The following EXOC6B variants were observed in gnomAD, a reference collection of about 807,000 sequenced individuals.
EXOC6B encodes the protein SEC15 homolog B.
In EXOC6B, 54 loss-of-function variants were observed where a neutral mutation model predicts 113.5. The ratio of observed to expected loss-of-function variants is 0.48; its 90% CI spans 0.38 to 0.60. The LOEUF is 0.60. Ranked by LOEUF, EXOC6B falls within the 20% of genes least tolerant of loss-of-function variation. The probability of loss-of-function intolerance (pLI) is 0.00; values close to 1 mark genes in which losing one functional copy is unlikely to be tolerated. For synonymous variants in EXOC6B, 357 were observed against 339.0 expected (o/e 1.05, Z -0.58); for missense variants, 797 against 977.5 (o/e 0.82, Z 2.46).
At chr2:72,758,653 A>G (rs1399345380) in intron 1 of EXOC6B, among the ~76,000 whole-genome samples, 1 of 152,136 alleles carries the variant, frequency 6.6e-6, no homozygotes, top group African/African-American at 2.4e-5. Context: ...GAAAAAAGGA[A>G]CCTCAGAGAT....
intron 1 of EXOC6B, among the ~76,000 whole-genome samples, chr2:72,789,728 T>C (rs1159187892): frequency 2.0e-5 from 3 of 152,168 alleles, no homozygotes; most frequent in East Asian, 3.8e-4. Flanking sequence ...CAATCTGACA[T>C]ATAGAGGAAA....
At position 72,667,594 on chromosome 2, in the gene EXOC6B, T is replaced by C. The variant is rs573163755; in HGVS notation, c.669+50509A>G. On this transcript the variant is annotated intron_variant, in intron 6 of 21. Coordinates refer to ENST00000272427, the MANE Select transcript of EXOC6B (RefSeq NM_015189.3). ...TACACACCTACAACCATCTGATCTT[T>C]GACAAACTCAACAAAAAGAGCAATA... Among the ~76,000 whole-genome samples, 7 of 152,250 alleles carry C rather than the reference T, an allele frequency of 4.6e-5. No homozygotes were observed. In the South Asian group the frequency reaches 1.5e-3, roughly 32 times the overall value.
At chr2:72,692,210 ATGAT>A (rs1224424697) in intron 6 of EXOC6B, among the ~76,000 whole-genome samples, 1 of 151,834 alleles carries the variant, frequency 6.6e-6, no homozygotes, top group Non-Finnish European at 1.5e-5. Context: ...TGCTTACTAT[ATGAT>A]TATTATATGC....
At chr2:72,823,653 C>T (rs1469123851) in intron 1 of EXOC6B, among the ~76,000 whole-genome samples, 3 of 151,560 alleles carry the variant, frequency 2.0e-5, no homozygotes, top group East Asian at 1.9e-4. Flanking sequence ...GGTATGGTGG[C>T]GAACGCCTGT....
At chr2:72,306,188 AC>A (rs1197729319) in intron 20 of EXOC6B, among the ~76,000 whole-genome samples, 3 of 152,206 alleles carry the variant, frequency 2.0e-5, no homozygotes, top group African/African-American at 7.2e-5. Context: ...TTTATAAAAA[AC>A]AAGGTAAATA....
At position 72,511,212 on chromosome 2, in the gene EXOC6B, C is replaced by T. The variant is rs184332941; in HGVS notation, c.1167+1920G>A. Among the ~76,000 whole-genome samples, 411 of 152,090 alleles carry T rather than the reference C, an allele frequency of 2.7e-3. 1 individual carries two copies. The highest frequency in any genetic ancestry group is 9.6e-3 in the African/African-American group (399 of 41,522). ...AATGACATATCCTCTTTGGATCAAA[C>T]CCACATACATATTAACCAATCTCCT... On this transcript the variant is annotated intron_variant, in intron 11 of 21. Coordinates refer to ENST00000272427, the MANE Select transcript of EXOC6B (RefSeq NM_015189.3).
At position 72,554,800 on chromosome 2, in the gene EXOC6B, C is replaced by T. The variant is rs151152381; in HGVS notation, c.915+4653G>A. On this transcript the variant is annotated intron_variant, in intron 8 of 21. Transcript: ENST00000272427. Reference sequence around the variant, plus strand: ...CTCTAAGTTCCAGGGTACATGTGCACAACATGCAGGTTTGTTACATAGCTA... The same window carrying T: ...CTCTAAGTTCCAGGGTACATGTGCATAACATGCAGGTTTGTTACATAGCTA... Among the ~76,000 whole-genome samples, 218 of 152,132 alleles carry T rather than the reference C, an allele frequency of 1.4e-3. No individual in the cohort carries two copies. The South Asian group carries it at 0.017, about 12-fold the overall frequency.
rs554196058 is a variant in EXOC6B, at chr2:72,495,666, A to G, written c.1444-127T>C. ...AATTGTCTCCTTAACAAACTCAAAT[A>G]TAAGAAAATATCTCCCAAAGTTTTC... On this transcript the variant is annotated intron_variant, in intron 14 of 21. Transcript: ENST00000272427. 1.2e-5 allele frequency: 7 copies of G among 606,834 alleles called. No homozygotes were observed. In the African/African-American group the frequency reaches 1.3e-4, roughly 12 times the overall value. 37.6% of individuals were successfully genotyped at this position (606,834 alleles called of 1,614,324 possible). A position where few individuals can be genotyped will look rare whatever the true frequency, so the allele number is the denominator to read the frequency against.
intron 19 of EXOC6B, among the ~76,000 whole-genome samples, chr2:72,365,592 G>A (rs1424684406): frequency 6.6e-6 from 1 of 152,198 alleles, no homozygotes; most frequent in East Asian, 1.9e-4. Context: ...GGAGTTCAAG[G>A]CAACAAGTAT....
At chr2:72,349,129 C>A (rs925000374) in intron 19 of EXOC6B, among the ~76,000 whole-genome samples, 17 of 152,090 alleles carry the variant, frequency 1.1e-4, no homozygotes, top group African/African-American at 4.1e-4. Context: ...TTCTCAGTGC[C>A]AGATGTCTCA....
chr2:72,653,192 G>A (rs1248011403), intron 6 of EXOC6B, among the ~76,000 whole-genome samples: 5 of 151,242 alleles, frequency 3.3e-5, no homozygotes, highest in African/African-American at 9.7e-5. Context: ...TTAAGAAAAT[G>A]TGGCACATAT....
intron 1 of EXOC6B, among the ~76,000 whole-genome samples, chr2:72,793,373 T>C (rs1684783643): frequency 6.6e-6 from 1 of 152,198 alleles, no homozygotes; most frequent in African/African-American, 2.4e-5. Flanking sequence ...TAATATAGAG[T>C]AACTTTACAA....
chr2:72,521,638 T>C (rs1420345093), intron 8 of EXOC6B, among the ~76,000 whole-genome samples: 2 of 152,222 alleles, frequency 1.3e-5, no homozygotes, highest in Admixed American at 1.3e-4. Flanking sequence ...CAGATTTTTA[T>C]GCATCTAAAG....
At chr2:72,502,399 T>G (rs1364471079) in intron 11 of EXOC6B, among the ~76,000 whole-genome samples, 3 of 152,070 alleles carry the variant, frequency 2.0e-5, no homozygotes. Context: ...AATACAAAAC[T>G]TAGCTGAGCA....
At chr2:72,801,809 G>A (rs1685291246) in intron 1 of EXOC6B, among the ~76,000 whole-genome samples, 1 of 152,136 alleles carries the variant, frequency 6.6e-6, no homozygotes, top group Admixed American at 6.5e-5. Context: ...TTTCTACCAT[G>A]AGAAGATTCA....
chr2:72,462,390 T>C (rs768871175), intron 18 of EXOC6B: 2 of 152,166 alleles, frequency 1.3e-5, no homozygotes, highest in Non-Finnish European at 2.9e-5. Context: ...ATAATATGCA[T>C]GTGCTATGGT....
chr2:72,348,737 T>C (rs190336765), intron 19 of EXOC6B, among the ~76,000 whole-genome samples: 101 of 152,274 alleles, frequency 6.6e-4, no homozygotes, highest in African/African-American at 2.3e-3. Context: ...TTTATAAGTG[T>C]ACAATATAAA....
intron 6 of EXOC6B, among the ~76,000 whole-genome samples, chr2:72,644,274 C>T (rs796862465): frequency 6.6e-5 from 10 of 152,208 alleles, no homozygotes; most frequent in African/African-American, 2.4e-4. Context: ...ATGAACAAAG[C>T]CTCCAAGAAA....
In EXOC6B at chr2:72,825,894, A is replaced by C. The variant is rs1327861814; in HGVS notation, c.17T>G (p.Met6Arg). The part of the protein sequence containing the change: MERGK[M>R]AEAESLETAA... ...TGTCTCCAGGCTCTCCGCCTCCGCC[A>C]TCTTACCCCGCTCCATAGACTGGGG... Residue 6 changes from methionine (M) to arginine (R), a missense_variant, in exon 1 of 22, where the codon ATG becomes AGG. Physicochemically the swap from Met to Arg is moderately conservative, Grantham distance 91. Transcript: ENST00000272427. This position sits in a 1 kb window ranked among gnomAD's most constrained non-coding sequence, Gnocchi z 4.4. The C allele has an allele frequency of 6.2e-7, 1 of 1,612,884 alleles. No individual in the cohort carries two copies. The highest frequency in any genetic ancestry group is 1.3e-5 in the African/African-American group (1 of 74,888).
Sources: gnomAD v4.1 joint callset for allele counts (sites outside exome capture counted in the v4.1 genomes callset) on GRCh38, gnomAD v4.1.1 for gene constraint, Gnocchi (gnomAD v3.1) non-coding constraint, MANE v1.5 for transcripts, NCBI Gene and HGNC (gene_info 2026-07-23, HGNC 2026-07-21) for gene names.